NLK: variants seen among roughly 807,000 people sequenced by gnomAD.
The protein encoded by NLK is nemo like kinase.
A neutral mutation model predicts 59.0 loss-of-function variants in NLK; 11 were observed. The observed-to-expected ratio is 0.19, with a 90% CI of 0.12 to 0.31. The LOEUF is 0.31. Ranked by LOEUF, NLK falls within the 10% of genes least tolerant of loss-of-function variation. NLK has a pLI of 1.00. For missense variants in NLK, 410 were observed against 661.1 expected (o/e 0.62, Z 4.16); for synonymous variants, 235 against 235.9 (o/e 1.00, Z 0.03).
intron 1 of NLK, among the ~76,000 whole-genome samples, chr17:28,108,039 G>T (rs544976020): frequency 6.6e-6 from 1 of 152,216 alleles, no homozygotes; most frequent in East Asian, 1.9e-4. Flanking sequence ...TTTGAGCCCA[G>T]CCTGGCCAAC....
chr17:28,157,704 G>T (rs953544848), intron 3 of NLK, among the ~76,000 whole-genome samples: 4 of 152,118 alleles, frequency 2.6e-5, no homozygotes, highest in African/African-American at 7.2e-5. Flanking sequence ...AACCATTGAA[G>T]CAATTTTAGA....
intron 1 of NLK, chr17:28,061,846 ATAAT>A (rs1291668031): frequency 1.4e-5 from 2 of 145,812 alleles, no homozygotes; most frequent in African/African-American, 2.5e-5. Context: ...ATACATATAT[ATAAT>A]ATATAATATA....
At chr17:28,081,626 A>T (rs1385474121) in intron 1 of NLK, among the ~76,000 whole-genome samples, 2 of 152,204 alleles carry the variant, frequency 1.3e-5, no homozygotes, top group Non-Finnish European at 2.9e-5. Context: ...GAGCTTTATT[A>T]CCTGAAGCCT....
chr17:28,154,629 A>C (rs1228072740), intron 3 of NLK, among the ~76,000 whole-genome samples: 1 of 152,184 alleles, frequency 6.6e-6, no homozygotes, highest in Non-Finnish European at 1.5e-5. Context: ...AATATATATA[A>C]TACCATGGAA....
intron 1 of NLK, among the ~76,000 whole-genome samples, chr17:28,065,221 T>C (rs745793773): frequency 3.3e-5 from 5 of 152,154 alleles, no homozygotes; most frequent in Admixed American, 6.5e-5. Flanking sequence ...TTACATTATG[T>C]TATGAATGGT....
At chr17:28,158,877 T>C (rs2142045683) in intron 3 of NLK, among the ~76,000 whole-genome samples, 1 of 152,296 alleles carries the variant, frequency 6.6e-6, no homozygotes, top group South Asian at 2.1e-4. Context: ...AGCCTAAGCC[T>C]ACACAGGTTT....
At chr17:28,107,421 C>T (rs180853325) in intron 1 of NLK, among the ~76,000 whole-genome samples, 15 of 150,508 alleles carry the variant, frequency 1.0e-4, no homozygotes, top group East Asian at 2.0e-4. Flanking sequence ...GCAACGAGAG[C>T]GAAACTCTGT....
intron 6 of NLK, 125 bp from the exon 7 acceptor site, chr17:28,172,392 A>C: frequency 2.4e-6 from 1 of 412,788 alleles, no homozygotes; most frequent in Non-Finnish European, 4.2e-6. Context: ...CCTGTCAGTT[A>C]ATCTAGAGCT....
intron 3 of NLK, among the ~76,000 whole-genome samples, chr17:28,137,356 C>T (rs1208245169): frequency 1.3e-5 from 2 of 151,890 alleles, no homozygotes; most frequent in Non-Finnish European, 2.9e-5. Flanking sequence ...GTCAGTACAT[C>T]GAGTCAAAAA....
intron 1 of NLK, among the ~76,000 whole-genome samples, chr17:28,083,970 C>T (rs552913534): frequency 4.5e-4 from 69 of 152,222 alleles, no homozygotes; most frequent in African/African-American, 1.6e-3. Flanking sequence ...ACTGCTTGTG[C>T]CTACCACAAA....
intron 2 of NLK, among the ~76,000 whole-genome samples, chr17:28,129,135 A>G (rs1906411523): frequency 6.6e-6 from 1 of 152,216 alleles, no homozygotes; most frequent in Admixed American, 6.5e-5. Context: ...AAGTAAAAAC[A>G]GTGCCAGGAT....
At chr17:28,096,611 G>T (rs1458416996) in intron 1 of NLK, among the ~76,000 whole-genome samples, 2 of 152,210 alleles carry the variant, frequency 1.3e-5, no homozygotes, top group East Asian at 3.9e-4. Flanking sequence ...GCATCAAAAG[G>T]GAAACTTTCA....
chr17:28,047,582 T>TA (rs1278083466), intron 1 of NLK, among the ~76,000 whole-genome samples: 1 of 152,154 alleles, frequency 6.6e-6, no homozygotes, highest in African/African-American at 2.4e-5. Flanking sequence ...AAGACATCCT[T>TA]ATTGTCGAAG....
chr17:28,184,304 A>T (rs1208583499), intron 7 of NLK, among the ~76,000 whole-genome samples: 1 of 152,238 alleles, frequency 6.6e-6, no homozygotes, highest in Non-Finnish European at 1.5e-5. Context: ...TATAGTTTAC[A>T]TGCTTTGCAT....
At chr17:28,147,559 G>T (rs576662759) in intron 3 of NLK, among the ~76,000 whole-genome samples, 2 of 151,666 alleles carry the variant, frequency 1.3e-5, no homozygotes, top group Admixed American at 6.6e-5. Flanking sequence ...AGGTGTAGAT[G>T]GCTGCCAGGC....
chr17:28,161,556 A>C (rs1908006443), intron 4 of NLK, among the ~76,000 whole-genome samples: 1 of 152,218 alleles, frequency 6.6e-6, no homozygotes, highest in Non-Finnish European at 1.5e-5. Flanking sequence ...ACAAGTTCAC[A>C]AAACAGCCTT....
intron 1 of NLK, among the ~76,000 whole-genome samples, chr17:28,063,312 T>G (rs1226427604): frequency 6.6e-6 from 1 of 152,206 alleles, no homozygotes; most frequent in Non-Finnish European, 1.5e-5. Flanking sequence ...GAGAACATCT[T>G]AACCTCAAAT....
At chr17:28,058,368 T>C (rs574754493) in intron 1 of NLK, among the ~76,000 whole-genome samples, 136 of 152,236 alleles carry the variant, frequency 8.9e-4, no homozygotes, top group Non-Finnish European at 1.6e-3. Context: ...TTTAAATAAC[T>C]AGTTTTTGTA....
At chr17:28,142,555 A>G (rs1907051587) in intron 3 of NLK, among the ~76,000 whole-genome samples, 1 of 152,192 alleles carries the variant, frequency 6.6e-6, no homozygotes, top group Admixed American at 6.6e-5. Flanking sequence ...TCTGTGACAC[A>G]TTGCTGTTTT....
Sources: allele counts gnomAD v4.1 joint callset (sites outside exome capture counted in the v4.1 genomes callset), GRCh38; gene constraint gnomAD v4.1.1; transcripts MANE v1.5; gene names NCBI Gene and HGNC (gene_info 2026-07-23, HGNC 2026-07-21).